The following WDFY4 variants were observed in gnomAD, a reference collection of about 807,000 sequenced individuals.
The protein encoded by WDFY4 is WD repeat- and FYVE domain-containing protein 4.
WDFY4 carries 169 observed loss-of-function variants against 351.9 expected under a neutral mutation model. The observed-to-expected ratio is 0.48, with a 90% CI of 0.42 to 0.55. The LOEUF is 0.55. Ranked by LOEUF, WDFY4 falls within the 20% of genes least tolerant of loss-of-function variation. The probability of loss-of-function intolerance (pLI) is 0.00; values close to 1 mark genes in which losing one functional copy is unlikely to be tolerated. For missense variants in WDFY4, 3,803 were observed against 3,935.6 expected (o/e 0.97, Z 0.90); for synonymous variants, 1,622 against 1,574.6 (o/e 1.03, Z -0.71).
rs1378528751 is a variant in WDFY4, at chr10:48,807,848, C to T, written c.4739-11C>T. 13 of 1,551,114 alleles carry T rather than the reference C, an allele frequency of 8.4e-6. No homozygotes were observed. In the East Asian group the frequency reaches 2.7e-4, roughly 32 times the overall value. On this transcript the variant is annotated splice_polypyrimidine_tract_variant and intron_variant, in intron 27 of 61. Transcript: ENST00000325239. Reference sequence around the variant, plus strand: ...ATCCATTTTCTCTCAAATCTGAATTCTTTTTTGTAGCTGGAAGCCAAACAT... The same window carrying T: ...ATCCATTTTCTCTCAAATCTGAATTTTTTTTTGTAGCTGGAAGCCAAACAT...
Position 48,812,908 on chromosome 10 carries a change from C to T in WDFY4, c.5215-1049C>T, listed in dbSNP as rs1044995366. ...CTGCTGCCCTTACTCACTCCTCTTTCCCACCATCGTCTGCCTGGTGGGAGT... is the reference window on the plus strand; with the variant it reads ...CTGCTGCCCTTACTCACTCCTCTTTTCCACCATCGTCTGCCTGGTGGGAGT... On this transcript the variant is annotated intron_variant, in intron 30 of 61. Transcript: ENST00000325239. 4.6e-5 allele frequency among the ~76,000 whole-genome samples: 7 copies of T among 152,184 alleles called. No individual in the cohort carries two copies. In the East Asian group the frequency reaches 1.3e-3, roughly 29 times the overall value.
At chr10:48,932,854 T>C (rs147285459) in intron 47 of WDFY4, among the ~76,000 whole-genome samples, 1 of 152,214 alleles carries the variant, frequency 6.6e-6, no homozygotes, top group East Asian at 1.9e-4. Context: ...ACTAGAATGC[T>C]AAGAAGAAGC....
intron 11 of WDFY4, among the ~76,000 whole-genome samples, chr10:48,737,651 A>T (rs1372537102): frequency 6.6e-6 from 1 of 152,246 alleles, no homozygotes; most frequent in African/African-American, 2.4e-5. Context: ...CCAGCCAGTG[A>T]TTTAATTGCA....
chr10:48,780,038 G>A lies in WDFY4; in HGVS notation c.3495G>A (p.Leu1165=), dbSNP rs1429619095. Residue 1165 remains leucine (L), a synonymous_variant, in exon 19 of 62, where the codon TTG becomes TTA. Coordinates refer to ENST00000325239, the MANE Select transcript of WDFY4 (RefSeq NM_001394531.1). ...QLLACGQWHH[L]AVVVTKEMKR... ...TGGCTTGTGGTCAGTGGCATCACTT[G>A]GCTGTGGTTGTCACTAAGGAAATGA... is the stretch of plus-strand genomic sequence containing the variant. The A allele has an allele frequency of 6.4e-7, 1 of 1,551,918 alleles. No homozygotes were observed. The highest frequency in any genetic ancestry group is 1.2e-5 in the South Asian group (1 of 84,070).
chr10:48,941,674 C>T, intron 47 of WDFY4, 132 bp from the exon 48 acceptor site: 1 of 868,702 alleles, frequency 1.2e-6, no homozygotes, highest in Non-Finnish European at 1.9e-6. Flanking sequence ...CTGAGAGTTG[C>T]TCTGGGATTT....
intron 42 of WDFY4, among the ~76,000 whole-genome samples, chr10:48,876,648 C>G (rs1220990115): frequency 6.6e-6 from 1 of 152,054 alleles, no homozygotes; most frequent in Non-Finnish European, 1.5e-5. Flanking sequence ...TGAGAAAAAA[C>G]AGCAATATTC....
rs1590038177 is a variant in WDFY4 at position 48,978,240 on chromosome 10, G to A, written c.9292-69G>A. On this transcript the variant is annotated intron_variant, in intron 59 of 61. Coordinates refer to ENST00000325239, the MANE Select transcript of WDFY4 (RefSeq NM_001394531.1). ...GGGGACCCCTAGGCGTGAGGAAATGGACTAGGCCACTCCAAGCTTGCAGAC... is the reference window on the plus strand; with the variant it reads ...GGGGACCCCTAGGCGTGAGGAAATGAACTAGGCCACTCCAAGCTTGCAGAC... 8 of 1,502,458 alleles carry A rather than the reference G, an allele frequency of 5.3e-6. 1 individual carries two copies. The South Asian group carries it at 7.8e-5, about 15-fold the overall frequency. The allele number at this position is 1,502,458 out of a possible 1,614,324, so 93.1% of individuals were successfully genotyped here. A position where few individuals can be genotyped will look rare whatever the true frequency, so the allele number is the denominator to read the frequency against.
intron 31 of WDFY4, among the ~76,000 whole-genome samples, chr10:48,815,042 CT>C (rs2067574945): frequency 6.6e-6 from 1 of 152,186 alleles, no homozygotes; most frequent in Non-Finnish European, 1.5e-5. Context: ...AAACAAATAT[CT>C]TTCTTTCTGT....
intron 51 of WDFY4, among the ~76,000 whole-genome samples, chr10:48,952,078 C>A (rs1264984069): frequency 6.6e-6 from 1 of 152,164 alleles, no homozygotes; most frequent in Non-Finnish European, 1.5e-5. Flanking sequence ...AACCGTGGGG[C>A]AGCACTTGGC....
chr10:48,775,645 G>A, intron 14 of WDFY4, 67 bp from the exon 15 acceptor site: 2 of 1,442,950 alleles, frequency 1.4e-6, no homozygotes, highest in Non-Finnish European at 1.9e-6. Context: ...CAGTTGTCAG[G>A]ATAAAGTTGG....
At chr10:48,940,695 G>C (rs1197864941) in intron 47 of WDFY4, among the ~76,000 whole-genome samples, 1 of 152,104 alleles carries the variant, frequency 6.6e-6, no homozygotes. Context: ...GAGAAGACCT[G>C]GTCTTGGGGG....
chr10:48,915,521 G>A (rs779511257), intron 47 of WDFY4, among the ~76,000 whole-genome samples: 11 of 152,074 alleles, frequency 7.2e-5, no homozygotes, highest in African/African-American at 2.7e-4. Flanking sequence ...AGGGAGAGGT[G>A]CTCTACAGTT....
At chr10:48,730,470 C>A (rs992706124) in intron 8 of WDFY4, among the ~76,000 whole-genome samples, 10 of 152,112 alleles carry the variant, frequency 6.6e-5, no homozygotes, top group Non-Finnish European at 1.3e-4. Flanking sequence ...AGCTTTCTGA[C>A]AAAGTGTCTC....
chr10:48,790,355 T>C (rs933903928), intron 22 of WDFY4, among the ~76,000 whole-genome samples: 1 of 152,176 alleles, frequency 6.6e-6, no homozygotes, highest in Non-Finnish European at 1.5e-5. Context: ...AACAAATTGG[T>C]GCAAGTGCCC....
Position 48,820,320 on chromosome 10 carries a change from C to T in WDFY4, c.5592C>T (p.Pro1864=). 1 of 1,551,646 alleles carries T rather than the reference C, an allele frequency of 6.4e-7. No individual in the cohort carries two copies. Among genetic ancestry groups the T allele is most frequent in the Non-Finnish European group, 8.7e-7 (1 of 1,146,994 alleles). The part of the protein sequence containing the change: ...GDSTVEGLQA[P]TKAHPARRKL... ...GCACAGTGGAGGGTCTCCAGGCTCC[C>T]ACCAAGGCACATCCCGCCCGGAGGA... is the stretch of plus-strand genomic sequence containing the variant. The change falls in exon 33 of 62, where the codon CCC becomes CCT. Residue 1864 remains proline, a synonymous_variant. Coordinates refer to ENST00000325239, the MANE Select transcript of WDFY4 (RefSeq NM_001394531.1).
chr10:48,693,978 T>C (rs908204087), intron 1 of WDFY4, among the ~76,000 whole-genome samples: 1 of 152,208 alleles, frequency 6.6e-6, no homozygotes, highest in African/African-American at 2.4e-5. Flanking sequence ...AAGAGATCTT[T>C]AATTCCTGAG....
chr10:48,896,356 C>T (rs1837076466), intron 44 of WDFY4, among the ~76,000 whole-genome samples: 1 of 152,218 alleles, frequency 6.6e-6, no homozygotes. Flanking sequence ...AGAATTACCA[C>T]TATGGCCCCA....
Position 48,743,642 on chromosome 10 carries a change from T to C in WDFY4, c.2459+94T>C, listed in dbSNP as rs564468153. The C allele has an allele frequency of 3.1e-4, 423 of 1,361,892 alleles. 2 individuals are homozygous for C. The highest frequency in any genetic ancestry group is 4.0e-4 in the Non-Finnish European group (411 of 1,021,300). 84.4% of individuals were successfully genotyped at this position (1,361,892 alleles called of 1,614,324 possible). On this transcript the variant is annotated intron_variant, in intron 12 of 61. Coordinates refer to ENST00000325239, the MANE Select transcript of WDFY4 (RefSeq NM_001394531.1). ...TGTGTACTCAGTAGGAAGGCTCAGC[T>C]ACAGAATGGGTGTGCAGAAATGTCA...
At position 48,790,664 on chromosome 10, in the gene WDFY4, G is replaced by C. The variant is rs41282007; in HGVS notation, c.4067-63G>C. The C allele has an allele frequency of 3.7e-3, 5,611 of 1,515,676 alleles. 12 individuals are homozygous for C. The highest frequency in any genetic ancestry group is 4.7e-3 in the Non-Finnish European group (5,265 of 1,125,396). 93.9% of individuals were successfully genotyped at this position (1,515,676 alleles called of 1,614,324 possible). On this transcript the variant is annotated intron_variant, in intron 22 of 61. Coordinates refer to ENST00000325239, the MANE Select transcript of WDFY4 (RefSeq NM_001394531.1). Reference sequence around the variant, plus strand: ...GCTCATTGGTCCTCCTGTGCTGTCGGGGAATTTCCCATTGCAATGAAGCTG... The same window carrying C: ...GCTCATTGGTCCTCCTGTGCTGTCGCGGAATTTCCCATTGCAATGAAGCTG...
Sources: gnomAD v4.1 joint callset for allele counts (sites outside exome capture counted in the v4.1 genomes callset) on GRCh38, gnomAD v4.1.1 for gene constraint, MANE v1.5 for transcripts, NCBI Gene and HGNC (gene_info 2026-07-23, HGNC 2026-07-21) for gene names.